Variants in GRID1 observed in about 807,000 individuals in gnomAD.
GRID1 encodes the protein glutamate ionotropic receptor delta type subunit 1, also known as glutamate receptor ionotropic, delta-1.
A neutral mutation model predicts 98.0 loss-of-function variants in GRID1; 28 were observed. That is an observed-to-expected ratio of 0.29 (90% confidence interval 0.21 to 0.39). GRID1 has a LOEUF of 0.39. Among genes scored for constraint, GRID1 ranks in the 10% least tolerant of loss-of-function variants. GRID1 has a pLI of 1.00. For synonymous variants in GRID1, 553 were observed against 538.5 expected (o/e 1.03, Z -0.37); for missense variants, 1,111 against 1,340.5 (o/e 0.83, Z 2.67).
intron 4 of GRID1, among the ~76,000 whole-genome samples, chr10:85,983,828 A>C (rs919009506): frequency 2.0e-5 from 3 of 152,094 alleles, no homozygotes; most frequent in Non-Finnish European, 4.4e-5. Flanking sequence ...GGGAGGGAGG[A>C]CCAAGACTCA....
intron 8 of GRID1, among the ~76,000 whole-genome samples, chr10:85,730,125 C>A (rs1841806533): frequency 6.6e-6 from 1 of 152,204 alleles, no homozygotes; most frequent in Non-Finnish European, 1.5e-5. Flanking sequence ...GAGCTTCCTG[C>A]CTGTTTTCAC....
At chr10:85,764,159 A>G (rs1842175141) in intron 8 of GRID1, among the ~76,000 whole-genome samples, 1 of 152,184 alleles carries the variant, frequency 6.6e-6, no homozygotes, top group African/African-American at 2.4e-5. Flanking sequence ...GGTGACCAAA[A>G]TGCTCAGTAA....
intron 12 of GRID1, among the ~76,000 whole-genome samples, chr10:85,668,739 C>A (rs906678222): frequency 6.6e-6 from 1 of 152,186 alleles, no homozygotes; most frequent in African/African-American, 2.4e-5. Flanking sequence ...CCTGCCATTG[C>A]TTAAAGGAAG....
At position 86,134,640 on chromosome 10, in the gene GRID1, C is replaced by G. The variant is rs531612668; in HGVS notation, c.726+4179G>C. ...CCAGCCTCAGCTCCAGCCACTCCCT[C>G]CCCTGCACACCCATGACTGCAACTG... On this transcript the variant is annotated intron_variant, in intron 4 of 15. Transcript: ENST00000327946. Among the ~76,000 whole-genome samples, 3 of 152,282 alleles carry G rather than the reference C, an allele frequency of 2.0e-5. No individual in the cohort carries two copies. In the South Asian group the frequency reaches 6.2e-4, roughly 32 times the overall value.
chr10:86,032,206 G>C (rs1426321269), intron 4 of GRID1, among the ~76,000 whole-genome samples: 1 of 152,158 alleles, frequency 6.6e-6, no homozygotes, highest in African/African-American at 2.4e-5. Flanking sequence ...GGAGGGAGGT[G>C]GGGGGGCAGC....
chr10:86,272,491 T>C (rs1364670297), intron 2 of GRID1, among the ~76,000 whole-genome samples: 1 of 152,200 alleles, frequency 6.6e-6, no homozygotes, highest in Non-Finnish European at 1.5e-5. Flanking sequence ...GACCTTCATC[T>C]CTAGTTCTAG....
chr10:85,773,334 A>G (rs1422572069), intron 8 of GRID1, among the ~76,000 whole-genome samples: 6 of 152,186 alleles, frequency 3.9e-5, no homozygotes, highest in Non-Finnish European at 8.8e-5. Flanking sequence ...CAAAATAATA[A>G]GAGCTATCTA....
At chr10:85,901,508 AAAG>A (rs1405233179) in intron 5 of GRID1, among the ~76,000 whole-genome samples, 4 of 152,128 alleles carry the variant, frequency 2.6e-5, no homozygotes, top group South Asian at 2.1e-4. Flanking sequence ...TTGGCCTCCC[AAAG>A]AAGAAGAGCT....
intron 8 of GRID1, among the ~76,000 whole-genome samples, chr10:85,766,034 G>A (rs533721905): frequency 6.8e-4 from 103 of 152,338 alleles, no homozygotes; most frequent in African/African-American, 2.2e-3. Context: ...CACAGGTGAG[G>A]TTGTGTCGTG....
chr10:85,973,766 AG>A (rs1157802340), intron 4 of GRID1, among the ~76,000 whole-genome samples: 17 of 152,360 alleles, frequency 1.1e-4, no homozygotes, highest in Admixed American at 1.0e-3. Context: ...AAAAGACTAC[AG>A]CAGGGAATAT....
intron 3 of GRID1, among the ~76,000 whole-genome samples, chr10:86,201,414 C>CAACT (rs1845948778): frequency 6.6e-6 from 1 of 152,092 alleles, no homozygotes; most frequent in Admixed American, 6.6e-5. Flanking sequence ...TATCCTGAGC[C>CAACT]AACTAACACA....
intron 2 of GRID1, among the ~76,000 whole-genome samples, chr10:86,262,290 C>A (rs564740805): frequency 1.3e-5 from 2 of 152,342 alleles, no homozygotes; most frequent in East Asian, 3.9e-4. Flanking sequence ...AAGTTTGGCC[C>A]AGAGCAAAGC....
chr10:86,303,295 C>T (rs1847715871), intron 2 of GRID1, among the ~76,000 whole-genome samples: 1 of 152,096 alleles, frequency 6.6e-6, no homozygotes, highest in Non-Finnish European at 1.5e-5. Context: ...TGGCTATGTC[C>T]ATTACACTAG....
chr10:86,110,606 C>T (rs1474393651), intron 4 of GRID1, among the ~76,000 whole-genome samples: 3 of 152,158 alleles, frequency 2.0e-5, no homozygotes, highest in African/African-American at 7.2e-5. Context: ...AGATGGCCAT[C>T]CCAGGACCAG....
chr10:85,645,528 T>G (rs1843176182), intron 13 of GRID1: 1 of 152,254 alleles, frequency 6.6e-6, no homozygotes, highest in African/African-American at 2.4e-5. Flanking sequence ...TTGTTAAATC[T>G]AAACATTCAA....
chr10:86,176,207 T>C (rs182764701), intron 3 of GRID1, among the ~76,000 whole-genome samples: 113 of 152,332 alleles, frequency 7.4e-4, no homozygotes, highest in Non-Finnish European at 1.1e-3. Flanking sequence ...CAAAGCGTAT[T>C]TCCTGTCTTT....
At position 85,724,537 on chromosome 10, in the gene GRID1, A is replaced by C. The variant is rs780861745; in HGVS notation, c.1673T>G (p.Phe558Cys). 1 of 1,613,974 alleles carries C rather than the reference A, an allele frequency of 6.2e-7. No homozygotes were observed. The change falls in exon 11 of 16, where the codon TTT (phenylalanine) becomes TGT (cysteine). Residue 558 changes from phenylalanine (F) to cysteine (C), a missense_variant. By Grantham distance (205) the Phe-to-Cys change is radical. Transcript: ENST00000327946. The part of the protein sequence containing the change: ...PEEKISIFSL[F>C]APFDFAVWAC... ...CCACACAGCGAAATCAAATGGAGCA[A>C]AGAGGGAGAAGATGCTGATTTTCTC...
intron 12 of GRID1, among the ~76,000 whole-genome samples, chr10:85,685,904 C>A (rs1841263498): frequency 2.6e-5 from 4 of 151,470 alleles, no homozygotes; most frequent in African/African-American, 7.3e-5. Flanking sequence ...TAAAAATGTG[C>A]AAGACCTTTA....
chr10:85,721,919 T>C (rs1841707109), intron 12 of GRID1, among the ~76,000 whole-genome samples: 3 of 152,178 alleles, frequency 2.0e-5, no homozygotes, highest in Admixed American at 2.0e-4. Flanking sequence ...TCAGTGTCAA[T>C]ACCCTGGTTT....
Sources: gnomAD v4.1 joint callset for allele counts (sites outside exome capture counted in the v4.1 genomes callset) on GRCh38, gnomAD v4.1.1 for gene constraint, MANE v1.5 for transcripts, NCBI Gene and HGNC (gene_info 2026-07-23, HGNC 2026-07-21) for gene names.